The following ADGRF5 variants were observed in gnomAD, a reference collection of about 807,000 sequenced individuals.
The protein encoded by ADGRF5 is G-protein coupled receptor 116.
Under a neutral mutation model 132.3 loss-of-function variants are expected in ADGRF5, and 75 were observed. That is an observed-to-expected ratio of 0.57 (90% CI 0.47 to 0.69). The LOEUF (loss-of-function observed/expected upper bound fraction) is 0.69. Among genes scored for constraint, ADGRF5 ranks in the 30% least tolerant of loss-of-function variants. The pLI, the probability that ADGRF5 is intolerant of heterozygous loss-of-function variation, is 0.00. For missense variants in ADGRF5, 1,516 were observed against 1,630.6 expected (o/e 0.93, Z 1.21); for synonymous variants, 629 against 597.6 (o/e 1.05, Z -0.77).
At chr6:46,902,142 T>C (rs12214695) in intron 2 of ADGRF5, among the ~76,000 whole-genome samples, 1 of 152,198 alleles carries the variant, frequency 6.6e-6, no homozygotes, top group Non-Finnish European at 1.5e-5. Flanking sequence ...AGGTGCAAAG[T>C]CAATGTATAG....
At chr6:46,866,531 C>T (rs559853158) in intron 13 of ADGRF5, among the ~76,000 whole-genome samples, 17 of 152,154 alleles carry the variant, frequency 1.1e-4, no homozygotes, top group Admixed American at 5.2e-4. Flanking sequence ...TTTTTTGGCA[C>T]TTGGTTGTTT....
chr6:46,854,730 C>T lies in ADGRF5; in HGVS notation c.3962-659G>A, dbSNP rs1191610638. 2.0e-5 allele frequency: 26 copies of T among 1,286,510 alleles called. No individual in the cohort carries two copies. In the Admixed American group the frequency reaches 5.3e-4, roughly 26 times the overall value. The allele number at this position is 1,286,510 out of a possible 1,614,324, so 79.7% of individuals were successfully genotyped here. A position where few individuals can be genotyped will look rare whatever the true frequency, so the allele number is the denominator to read the frequency against. On this transcript the variant is annotated intron_variant, in intron 20 of 20. Coordinates refer to ENST00000283296, the MANE Select transcript of ADGRF5 (RefSeq NM_001098518.2). Reference sequence around the variant, plus strand: ...CCCACCCTACCATCAGATTGCTGAACTGCCACCGCTAACAAGGTTTCCGTC... The same window carrying T: ...CCCACCCTACCATCAGATTGCTGAATTGCCACCGCTAACAAGGTTTCCGTC...
At chr6:46,870,785 G>A (rs1444362613) in intron 11 of ADGRF5, 1 of 422,948 alleles carries the variant, frequency 2.4e-6, no homozygotes, top group East Asian at 8.5e-5. Flanking sequence ...TAGAGGTAAA[G>A]TTATGTTAAG....
intron 10 of ADGRF5, among the ~76,000 whole-genome samples, chr6:46,877,713 G>A (rs553322536): frequency 1.3e-5 from 2 of 152,094 alleles, no homozygotes; most frequent in Admixed American, 6.5e-5. Flanking sequence ...AGAGAGAGAG[G>A]GATAAAGCTG....
At chr6:46,892,153 AATACACACACACACACACAC>A (rs1383255642) in intron 3 of ADGRF5, among the ~76,000 whole-genome samples, 15 of 113,548 alleles carry the variant, frequency 1.3e-4, no homozygotes, top group African/African-American at 4.9e-4. Context: ...GGAATACACA[AATACACACACACACACACAC>A]ACACACACAC....
Position 46,862,951 on chromosome 6 carries a change from C to G in ADGRF5, c.2136G>C (p.Gln712His), listed in dbSNP as rs760485161. 8 of 1,613,254 alleles carry G rather than the reference C, an allele frequency of 5.0e-6. No individual in the cohort carries two copies. The highest frequency in any genetic ancestry group is 1.3e-5 in the African/African-American group (1 of 74,722). The part of the protein sequence containing the change: ...GTITYKCVGS[Q>H]WEEKRNDCIS... ...TGCAGTCATTTCTCTTCTCCTCCCACTGGGAGCCTACACATTTGTAAGTGA... is the reference window on the plus strand; with the variant it reads ...TGCAGTCATTTCTCTTCTCCTCCCAGTGGGAGCCTACACATTTGTAAGTGA... The change falls in exon 15 of 21, where the codon CAG becomes CAC. Residue 712 changes from glutamine (Q) to histidine (H), a missense_variant. Around this residue, in one of 2 missense-constraint regions of ADGRF5, gnomAD observed 945 missense variants for 929.4 expected, o/e 1.02. Transcript: ENST00000283296.
At chr6:46,863,803 C>A (rs147934828) in intron 14 of ADGRF5, among the ~76,000 whole-genome samples, 221 of 152,142 alleles carry the variant, frequency 1.5e-3, no homozygotes, top group African/African-American at 5.1e-3. Flanking sequence ...AGAAGCGAAA[C>A]CATATTTGGT....
intron 3 of ADGRF5, among the ~76,000 whole-genome samples, chr6:46,898,203 T>C (rs1774382050): frequency 6.6e-6 from 1 of 152,158 alleles, no homozygotes. Context: ...GGCTCAGAAG[T>C]GCAGGAAGAC....
intron 2 of ADGRF5, chr6:46,905,539 A>T (rs559761766): frequency 1.6e-4 from 25 of 152,356 alleles, no homozygotes; most frequent in African/African-American, 4.6e-4. Flanking sequence ...AAAAAAAATC[A>T]AACGCACATT....
intron 1 of ADGRF5, among the ~76,000 whole-genome samples, chr6:46,919,652 C>T (rs919848059): frequency 2.0e-5 from 3 of 152,148 alleles, no homozygotes; most frequent in African/African-American, 7.2e-5. Context: ...GTGGAGGTCT[C>T]TCATGTGGCT....
At chr6:46,881,706 C>T in intron 7 of ADGRF5, 109 bp from the exon 8 acceptor site, 1 of 879,828 alleles carries the variant, frequency 1.1e-6, no homozygotes, top group South Asian at 1.7e-5. Flanking sequence ...CCTGATGCAG[C>T]ATGCAAATCT....
chr6:46,924,594 A>G (rs887767367), upstream of ADGRF5, among the ~76,000 whole-genome samples: 1 of 152,122 alleles, frequency 6.6e-6, no homozygotes, highest in Non-Finnish European at 1.5e-5. Context: ...GTCTATCTCT[A>G]TCATAGACCT....
At chr6:46,933,477 C>T (rs1223572921) in intron 1 of ADGRF5, among the ~76,000 whole-genome samples, 1 of 152,224 alleles carries the variant, frequency 6.6e-6, no homozygotes, top group African/African-American at 2.4e-5. Context: ...TCTTTATTCA[C>T]TGGTCTTCTC....
chr6:46,862,711 T>TG (rs1179485146), intron 15 of ADGRF5, among the ~76,000 whole-genome samples, 177 bp downstream of exon 15: 5 of 137,800 alleles, frequency 3.6e-5, no homozygotes, highest in African/African-American at 1.4e-4. Flanking sequence ...GGCTTTTTTT[T>TG]TTTTTTTTTT....
At chr6:46,854,706 C>G in intron 20 of ADGRF5, 1 of 1,281,096 alleles carries the variant, frequency 7.8e-7, no homozygotes, top group South Asian at 1.2e-5. Context: ...GTTGAAGTGC[C>G]CACCCTACCA....
chr6:46,941,854 A>G (rs1011270102), intron 1 of ADGRF5, among the ~76,000 whole-genome samples: 2 of 152,204 alleles, frequency 1.3e-5, no homozygotes, highest in African/African-American at 4.8e-5. Flanking sequence ...GCTTCTGCCT[A>G]AAGAGCCAGC....
At chr6:46,918,937 T>C (rs1200659524) in intron 1 of ADGRF5, among the ~76,000 whole-genome samples, 1 of 152,184 alleles carries the variant, frequency 6.6e-6, no homozygotes, top group African/African-American at 2.4e-5. Context: ...TAGAATCACT[T>C]TGGAGATTAA....
chr6:46,859,433 G>A lies in ADGRF5; in HGVS notation c.2470C>T (p.Gln824Ter). ...AATCTTTCCACTGAATGTAGTAGCT[G>A]TGAACTCTGATTGGTCCATTGCTGT... The part of the protein sequence containing the change: ...LQQQWTNQSS[Q>*]LLHSVERFSQ... Residue 824 changes from glutamine to a stop codon, truncating the protein, a stop_gained, in exon 17 of 21, where the codon CAG becomes TAG. Coordinates refer to ENST00000283296, the MANE Select transcript of ADGRF5 (RefSeq NM_001098518.2). LOFTEE classifies it high-confidence loss of function. 2.5e-6 allele frequency: 4 copies of A among 1,612,592 alleles called. No homozygotes were observed. Among genetic ancestry groups the A allele is most frequent in the Non-Finnish European group, 3.4e-6 (4 of 1,178,612 alleles).
At chr6:46,943,947 A>C (rs71566600) in intron 1 of ADGRF5, among the ~76,000 whole-genome samples, 5,055 of 152,314 alleles carry the variant, frequency 0.033, 118 homozygotes, top group Middle Eastern at 0.068. Context: ...CTGCAAAATC[A>C]TTAACCTACC....
Sources: allele counts gnomAD v4.1 joint callset (sites outside exome capture counted in the v4.1 genomes callset), GRCh38; gene constraint gnomAD v4.1.1; regional missense constraint gnomAD v4.1.1; transcripts MANE v1.5; gene names NCBI Gene and HGNC (gene_info 2026-07-23, HGNC 2026-07-21).